OOEP: variants seen among roughly 807,000 people sequenced by gnomAD.
OOEP encodes the protein oocyte expressed protein.
A neutral mutation model predicts 13.7 loss-of-function variants in OOEP; 16 were observed. The ratio of observed to expected loss-of-function variants is 1.16; its 90% confidence interval spans 0.79 to 1.77. OOEP has a LOEUF of 1.77. OOEP is among the 40% of genes most tolerant of loss of function. The probability of loss-of-function intolerance (pLI) is 0.00; values close to 1 mark genes in which losing one functional copy is unlikely to be tolerated. For synonymous variants in OOEP, 89 were observed against 77.1 expected, an observed-to-expected ratio of 1.15 and a Z score of -0.81; for missense variants, 195 against 193.1, an observed-to-expected ratio of 1.01 and a Z score of -0.06.
At chr6:73,394,726 T>A in exon 1 of OOEP, 1 of 860,766 alleles carries the variant, frequency 1.2e-6, no homozygotes, top group Non-Finnish European at 1.7e-6. Context: ...CACTGGCCAA[T>A]GGCTGCGTGA....
At chr6:73,389,171 C>T (rs1282029196) in intron 2 of OOEP, among the ~76,000 whole-genome samples, 1 of 152,158 alleles carries the variant, frequency 6.6e-6, no homozygotes, top group Non-Finnish European at 1.5e-5. Context: ...AACCGCCTGG[C>T]AGGCGGAGGA....
Position 73,369,757 on chromosome 6 carries a change from C to T in OOEP, c.36G>A (p.Arg12=), listed in dbSNP as rs756335349. The T allele has an allele frequency of 1.9e-6, 3 of 1,613,822 alleles. No individual in the cohort carries two copies. In the South Asian group the frequency reaches 3.3e-5, roughly 18 times the overall value. ...GGGAGTGGGCCGGAGTCTGTTTGCC[C>T]CGCTGGGACTCAGCGGCACCAGCAT... ...VDDAGAAESQ[R]GKQTPAHSLE... The change falls in exon 1 of 3, where the codon CGG becomes CGA. Residue 12 remains arginine, a synonymous_variant. Coordinates refer to ENST00000370359, the MANE Select transcript of OOEP (RefSeq NM_001080507.3).
chr6:73,371,750 C>CA (rs1273873710), upstream of OOEP, among the ~76,000 whole-genome samples: 93 of 119,922 alleles, frequency 7.8e-4, no homozygotes, highest in African/African-American at 2.1e-3. Context: ...AACTCTGTCT[C>CA]AAAAATAAAA....
exon 1 of OOEP, chr6:73,394,836 C>T (rs1769426838): frequency 8.9e-6 from 14 of 1,574,554 alleles, no homozygotes; most frequent in Non-Finnish European, 1.2e-5. Context: ...GCACGCTACT[C>T]TTACGACGTC....
At chr6:73,381,206 A>AAAAAAAAAAAAAAAAAAAAAAAAAAG (rs1562278909) in intron 2 of OOEP, among the ~76,000 whole-genome samples, 1 of 5,006 alleles carries the variant, frequency 2.0e-4, no homozygotes, top group Non-Finnish European at 7.1e-4. Flanking sequence ...AAAAAGTGTT[A>AAAAAAAAAAAAAAAAAAAAAAAAAAG]AAAAAAAAAA....
At chr6:73,376,344 G>GTTTTTTTTTTTTTTTTT (rs70994194) in intron 2 of OOEP, among the ~76,000 whole-genome samples, 2 of 103,558 alleles carry the variant, frequency 1.9e-5, no homozygotes, top group Non-Finnish European at 3.8e-5. Flanking sequence ...ACAAGGGGTT[G>GTTTTTTTTTTTTTTTTT]TTTTTTTTTT....
chr6:73,374,510 G>A (rs1283014408), upstream of OOEP, among the ~76,000 whole-genome samples: 2 of 152,214 alleles, frequency 1.3e-5, no homozygotes, highest in African/African-American at 2.4e-5. Flanking sequence ...CCCCAGCCCT[G>A]AAATTGTAGT....
chr6:73,394,775 G>T, exon 1 of OOEP: 1 of 1,347,064 alleles, frequency 7.4e-7, no homozygotes, highest in South Asian at 1.4e-5. Flanking sequence ...GCGTGGGCGG[G>T]GGGGCTAGCC....
chr6:73,379,511 T>C (rs1439764824), intron 2 of OOEP, among the ~76,000 whole-genome samples: 1 of 151,108 alleles, frequency 6.6e-6, no homozygotes, highest in Admixed American at 6.6e-5. Context: ...GGCATGGTAG[T>C]GTGCACCTGT....
chr6:73,381,162 AAAG>A (rs1377146418), intron 2 of OOEP, among the ~76,000 whole-genome samples: 1 of 150,634 alleles, frequency 6.6e-6, no homozygotes, highest in Non-Finnish European at 1.5e-5. Flanking sequence ...TCCATTTCAA[AAAG>A]AAGAAAAAGT....
chr6:73,390,119 T>A (rs1769327098), intron 2 of OOEP, among the ~76,000 whole-genome samples: 1 of 151,834 alleles, frequency 6.6e-6, no homozygotes, highest in Admixed American at 6.6e-5. Flanking sequence ...GCAGAGGTTG[T>A]GCTGAGCCCA....
upstream of OOEP, among the ~76,000 whole-genome samples, chr6:73,373,841 G>A (rs1353526040): frequency 6.6e-6 from 1 of 151,918 alleles, no homozygotes; most frequent in Non-Finnish European, 1.5e-5. Flanking sequence ...TACCCACCTC[G>A]GCCTCCCAAA....
intron 2 of OOEP, among the ~76,000 whole-genome samples, chr6:73,386,023 T>G (rs1769267259): frequency 1.3e-5 from 2 of 151,980 alleles, no homozygotes; most frequent in Admixed American, 1.3e-4. Flanking sequence ...GTACTGGAGG[T>G]TCTAGCCAGT....
chr6:73,390,602 A>G (rs1389464971), intron 2 of OOEP, among the ~76,000 whole-genome samples: 4 of 134,842 alleles, frequency 3.0e-5, no homozygotes, highest in South Asian at 2.3e-4. Context: ...TTTTTTTGAG[A>G]CGGAGTTTCG....
exon 2 of OOEP, chr6:73,394,475 G>A: frequency 4.5e-6 from 3 of 668,758 alleles, no homozygotes; most frequent in South Asian, 1.6e-5. Context: ...GGGCAACACG[G>A]CGACACCCCG....
chr6:73,394,678 C>T (rs1056630922), intron 1 of OOEP: 93 of 626,386 alleles, frequency 1.5e-4, no homozygotes, highest in Non-Finnish European at 2.5e-4. Flanking sequence ...TTCAGAAAAC[C>T]GATTGGCTAA....
chr6:73,379,701 T>C (rs1005439896), intron 2 of OOEP, among the ~76,000 whole-genome samples: 2 of 151,482 alleles, frequency 1.3e-5, no homozygotes, highest in African/African-American at 4.8e-5. Flanking sequence ...GTTTAATGTC[T>C]GGCCTAATAG....
At chr6:73,380,558 TA>T (rs1189468211) in intron 2 of OOEP, among the ~76,000 whole-genome samples, 1 of 152,212 alleles carries the variant, frequency 6.6e-6, no homozygotes, top group East Asian at 1.9e-4. Flanking sequence ...ATGAGTGAGC[TA>T]AAAGACACTA....
At chr6:73,382,350 G>A (rs12182385) in intron 2 of OOEP, among the ~76,000 whole-genome samples, 4 of 150,908 alleles carry the variant, frequency 2.7e-5, no homozygotes, top group Non-Finnish European at 4.4e-5. Flanking sequence ...CCTGAGTAGC[G>A]GGGATTACAG....
Sources: allele counts gnomAD v4.1 joint callset (sites outside exome capture counted in the v4.1 genomes callset), GRCh38; gene constraint gnomAD v4.1.1; transcripts MANE v1.5; gene names NCBI Gene and HGNC (gene_info 2026-07-23, HGNC 2026-07-21).